FAM3D: variants seen among roughly 807,000 people sequenced by gnomAD.
FAM3D encodes the protein protein FAM3D.
Under a neutral mutation model 29.8 loss-of-function variants are expected in FAM3D, and 26 were observed. That is an observed-to-expected ratio of 0.87 (90% CI 0.64 to 1.21). The LOEUF is 1.21. Ranked by LOEUF, FAM3D falls within the 50% of genes most tolerant of loss-of-function variation. The pLI is 0.00. For synonymous variants in FAM3D, 115 were observed against 102.3 expected (o/e 1.12, Z -0.75); for missense variants, 253 against 290.9 (o/e 0.87, Z 0.95).
In FAM3D at chr3:58,637,947, C is replaced by T. The variant is rs183285148; in HGVS notation, c.374-722G>A. On this transcript the variant is annotated intron_variant, in intron 7 of 9. Transcript: ENST00000358781. ...TTGCCCAGGCTGGAGTGCAATGGCG[C>T]GATCTGCGCTCATTGCAACCTCCAC... Among the ~76,000 whole-genome samples the T allele has an allele frequency of 7.6e-4, 115 of 151,784 alleles. 1 individual carries two copies. The highest frequency in any genetic ancestry group is 4.1e-3 in the East Asian group (21 of 5,162).
intron 1 of FAM3D, among the ~76,000 whole-genome samples, chr3:58,664,212 A>G (rs1316772444): frequency 3.3e-5 from 5 of 152,224 alleles, no homozygotes; most frequent in Admixed American, 6.5e-5. Flanking sequence ...TAAACCAGCT[A>G]ATCCATGTAC....
At chr3:58,648,238 G>A (rs1015082275) in intron 4 of FAM3D, among the ~76,000 whole-genome samples, 1 of 152,208 alleles carries the variant, frequency 6.6e-6, no homozygotes, top group Non-Finnish European at 1.5e-5. Context: ...GGGTGTGGAG[G>A]TGAATGATTT....
At chr3:58,645,677 G>C in intron 4 of FAM3D, 51 bp from the exon 5 acceptor site, 2 of 1,515,960 alleles carry the variant, frequency 1.3e-6, no homozygotes, top group East Asian at 2.3e-5. Context: ...GGAGGTACTT[G>C]GGGGAGAAGG....
At chr3:58,664,541 C>T (rs756587629) in intron 1 of FAM3D, among the ~76,000 whole-genome samples, 3 of 152,210 alleles carry the variant, frequency 2.0e-5, no homozygotes, top group Admixed American at 1.3e-4. Context: ...GCTTTGCACA[C>T]ATTGTCTTTT....
At chr3:58,653,137 C>T (rs2066695224) in intron 3 of FAM3D, among the ~76,000 whole-genome samples, 1 of 152,136 alleles carries the variant, frequency 6.6e-6, no homozygotes, top group African/African-American at 2.4e-5. Context: ...ACCATAATGA[C>T]AGATAATGAT....
chr3:58,646,908 G>A (rs538482096), intron 4 of FAM3D, among the ~76,000 whole-genome samples: 2 of 152,330 alleles, frequency 1.3e-5, no homozygotes, highest in Admixed American at 6.5e-5. Context: ...GAGGCTGGTA[G>A]GGACCATGAG....
chr3:58,645,572 G>A lies in FAM3D; in HGVS notation c.200C>T (p.Ala67Val), dbSNP rs759070186. 17 of 1,614,096 alleles carry A rather than the reference G, an allele frequency of 1.1e-5. No individual in the cohort carries two copies. The highest frequency in any genetic ancestry group is 6.7e-5 in the Admixed American group (4 of 60,006). Residue 67 changes from alanine to valine, a missense_variant, in exon 5 of 10, where the codon GCG (alanine) becomes GTG (valine). Transcript: ENST00000358781. ...GGCGGCCCCACTGCAGATTTTAAAC[G>A]CAAAGTAGTTGGCTGGGCAGGGCTT... is the stretch of plus-strand genomic sequence containing the variant. ...LIKPCPANYF[A>V]FKICSGAANV... is the part of the protein sequence containing the mutation.
At chr3:58,649,170 G>T (rs2066557889) in intron 4 of FAM3D, 145 bp downstream of exon 4, 1 of 1,004,666 alleles carries the variant, frequency 1.0e-6, no homozygotes, top group Non-Finnish European at 1.5e-6. Flanking sequence ...GGGAGGAGAG[G>T]ACTGGGAAGA....
intron 3 of FAM3D, 40 bp from the exon 4 acceptor site, chr3:58,649,378 C>A: frequency 6.2e-7 from 1 of 1,612,274 alleles, no homozygotes; most frequent in Non-Finnish European, 8.5e-7. Flanking sequence ...AAAAGCACTT[C>A]GGACCCTCCT....
At chr3:58,649,548 C>CCT in intron 3 of FAM3D, 1 of 602,708 alleles carries the variant, frequency 1.7e-6, no homozygotes, top group Non-Finnish European at 3.0e-6. Flanking sequence ...TGTACACACA[C>CCT]GCACACACAT....
intron 4 of FAM3D, among the ~76,000 whole-genome samples, chr3:58,647,835 G>A (rs1292139510): frequency 6.6e-6 from 1 of 152,224 alleles, no homozygotes; most frequent in African/African-American, 2.4e-5. Context: ...GAGCACTGGG[G>A]CAGGGATTCA....
chr3:58,656,120 A>G (rs1352777333), intron 1 of FAM3D, among the ~76,000 whole-genome samples: 2 of 152,098 alleles, frequency 1.3e-5, no homozygotes, highest in Non-Finnish European at 2.9e-5. Context: ...AGGGAGGTTG[A>G]GCTAGCTAGC....
chr3:58,662,778 T>C (rs2066956386), intron 1 of FAM3D, among the ~76,000 whole-genome samples: 2 of 152,234 alleles, frequency 1.3e-5, no homozygotes, highest in Non-Finnish European at 2.9e-5. Context: ...TACTCCCTTC[T>C]CTGGCTCCAG....
chr3:58,659,062 C>T (rs1055599603), intron 1 of FAM3D, among the ~76,000 whole-genome samples: 1 of 152,188 alleles, frequency 6.6e-6, no homozygotes, highest in Non-Finnish European at 1.5e-5. Flanking sequence ...TGTGTTTTTC[C>T]GCACATCTCT....
chr3:58,665,150 C>A (rs963731092), intron 1 of FAM3D, among the ~76,000 whole-genome samples: 26 of 152,112 alleles, frequency 1.7e-4, no homozygotes, highest in African/African-American at 6.0e-4. Flanking sequence ...AAGACAGAAG[C>A]CCCTAAACCT....
rs1011462977 is a variant in FAM3D at position 58,635,399 on chromosome 3, C to A, written c.585+895G>T. 2.0e-5 allele frequency among the ~76,000 whole-genome samples: 3 copies of A among 152,184 alleles called. No homozygotes were observed. Among genetic ancestry groups the A allele is most frequent in the Non-Finnish European group, 4.4e-5 (3 of 68,042 alleles). ...AGGACTAAGAACAGACCGGCTTAGT[C>A]CCATTAGGGTGCTTGGTTCATTTTT... On this transcript the variant is annotated intron_variant, in intron 9 of 9. Transcript: ENST00000358781. The surrounding 1 kb of genome is among the most constrained non-coding windows in gnomAD (Gnocchi z 5.2).
intron 5 of FAM3D, among the ~76,000 whole-genome samples, chr3:58,644,982 C>T (rs138524192): frequency 3.9e-5 from 6 of 152,284 alleles, no homozygotes; most frequent in Non-Finnish European, 7.3e-5. Context: ...AACACCCGTC[C>T]CTGAGTTCTT....
At chr3:58,655,420 C>A (rs2066765246) in intron 2 of FAM3D, 131 bp downstream of exon 2, 1 of 1,206,316 alleles carries the variant, frequency 8.3e-7, no homozygotes, top group South Asian at 1.6e-5. Context: ...CTTCCAGCCT[C>A]CCCTGGATTG....
chr3:58,644,518 C>G (rs1296149212), intron 5 of FAM3D, among the ~76,000 whole-genome samples: 1 of 152,208 alleles, frequency 6.6e-6, no homozygotes, highest in Non-Finnish European at 1.5e-5. Flanking sequence ...AACTGTGAGT[C>G]CATTAAAATC....
Sources: gnomAD v4.1 joint callset for allele counts (sites outside exome capture counted in the v4.1 genomes callset) on GRCh38, gnomAD v4.1.1 for gene constraint, Gnocchi (gnomAD v3.1) non-coding constraint, MANE v1.5 for transcripts, NCBI Gene and HGNC (gene_info 2026-07-23, HGNC 2026-07-21) for gene names.